The following ATP9A variants were observed in gnomAD, a reference collection of about 807,000 sequenced individuals.
ATP9A encodes ATPase phospholipid transporting 9A.
In ATP9A, 52 loss-of-function variants were observed where a neutral mutation model predicts 144.1. The observed-to-expected ratio is 0.36, with a 90% CI of 0.29 to 0.45. The LOEUF is 0.45. Among genes scored for constraint, ATP9A ranks in the 20% least tolerant of loss-of-function variants. ATP9A has a pLI of 1.00. For synonymous variants in ATP9A, 582 were observed against 557.4 expected, an observed-to-expected ratio of 1.04 and a Z score of -0.62; for missense variants, 947 against 1,392.7, an observed-to-expected ratio of 0.68 and a Z score of 5.09.
At chr20:51,683,828 C>CT (rs2077510784) in intron 9 of ATP9A, among the ~76,000 whole-genome samples, 1 of 152,142 alleles carries the variant, frequency 6.6e-6, no homozygotes, top group East Asian at 1.9e-4. Flanking sequence ...ATTCCCTTGC[C>CT]TGTTAGTTCT....
chr20:51,766,326 A>T (rs2077903552), intron 1 of ATP9A, among the ~76,000 whole-genome samples: 1 of 152,188 alleles, frequency 6.6e-6, no homozygotes, highest in African/African-American at 2.4e-5. Flanking sequence ...GGGTCAGGAC[A>T]CCCACACCTG....
At chr20:51,710,118 A>G (rs1359445531) in intron 4 of ATP9A, among the ~76,000 whole-genome samples, 1 of 152,184 alleles carries the variant, frequency 6.6e-6, no homozygotes, top group Non-Finnish European at 1.5e-5. Flanking sequence ...CCTGGCCAAC[A>G]TGGTGAAACC....
intron 11 of ATP9A, among the ~76,000 whole-genome samples, chr20:51,673,104 T>C (rs941153481): frequency 6.6e-6 from 1 of 152,154 alleles, no homozygotes; most frequent in Non-Finnish European, 1.5e-5. Flanking sequence ...CCAGGTGCAG[T>C]AGCTCACGCC....
chr20:51,617,755 C>T (rs774915315), intron 21 of ATP9A, among the ~76,000 whole-genome samples: 42 of 152,160 alleles, frequency 2.8e-4, no homozygotes, highest in Middle Eastern at 3.2e-3. Flanking sequence ...AGAGCCCAGG[C>T]GGCTTGCCAA....
At chr20:51,754,622 T>C (rs1380958406) in intron 1 of ATP9A, among the ~76,000 whole-genome samples, 2 of 151,230 alleles carry the variant, frequency 1.3e-5, no homozygotes, top group Non-Finnish European at 2.9e-5. Context: ...GAGACCAGCC[T>C]GGCCAACATG....
At chr20:51,698,993 A>G (rs2077582035) in intron 4 of ATP9A, among the ~76,000 whole-genome samples, 2 of 152,336 alleles carry the variant, frequency 1.3e-5, no homozygotes, top group East Asian at 1.9e-4. Context: ...TGATGCTGCT[A>G]TCTTGTAACA....
At chr20:51,655,078 T>G (rs1399157231) in intron 14 of ATP9A, among the ~76,000 whole-genome samples, 3 of 152,200 alleles carry the variant, frequency 2.0e-5, no homozygotes, top group African/African-American at 7.2e-5. Flanking sequence ...ATATCATTGC[T>G]AAAAATTAGG....
intron 15 of ATP9A, among the ~76,000 whole-genome samples, chr20:51,638,076 TATATATATATATATATATATATA>T (rs2077301524): frequency 7.3e-5 from 1 of 13,738 alleles, no homozygotes; most frequent in African/African-American, 2.8e-4. Context: ...TCATTTTATA[TATATATATATATATATATATATA>T]TATATATATA....
chr20:51,653,093 G>C (rs1487202433), intron 14 of ATP9A, among the ~76,000 whole-genome samples: 2 of 140,614 alleles, frequency 1.4e-5, no homozygotes, highest in African/African-American at 5.3e-5. Context: ...CTGGGTGACA[G>C]AGCAAGACTC....
At chr20:51,739,346 ACT>A (rs2122886576) in intron 1 of ATP9A, among the ~76,000 whole-genome samples, 1 of 119,534 alleles carries the variant, frequency 8.4e-6, no homozygotes, top group African/African-American at 3.2e-5. Flanking sequence ...TCCTACACTC[ACT>A]CTTTTTTTTT....
chr20:51,693,907 C>T, intron 7 of ATP9A, 101 bp downstream of exon 7: 1 of 1,055,904 alleles, frequency 9.5e-7, no homozygotes, highest in Non-Finnish European at 1.4e-6. Context: ...ACTGGCCCCA[C>T]TTCACAAGTT....
Position 51,625,451 on chromosome 20 carries a change from G to A in ATP9A, c.1846-89C>T, listed in dbSNP as rs921628351. Reference sequence around the variant, plus strand: ...TGCCAAGAGTGGAAGGGCCACACCCGATCCCCACCACACGGGGTGGGGGAC... The same window carrying A: ...TGCCAAGAGTGGAAGGGCCACACCCAATCCCCACCACACGGGGTGGGGGAC... On this transcript the variant is annotated intron_variant, in intron 17 of 27. Transcript: ENST00000338821. 21 of 1,440,686 alleles carry A rather than the reference G, an allele frequency of 1.5e-5. 1 individual carries two copies. The highest frequency in any genetic ancestry group is 5.5e-5 in the South Asian group (4 of 72,918). The allele number at this position is 1,440,686 out of a possible 1,614,324, so 89.2% of individuals were successfully genotyped here. A position where few individuals can be genotyped will look rare whatever the true frequency, so the allele number is the denominator to read the frequency against.
chr20:51,660,163 A>C (rs2077405208), intron 13 of ATP9A, among the ~76,000 whole-genome samples: 1 of 152,194 alleles, frequency 6.6e-6, no homozygotes, highest in African/African-American at 2.4e-5. Context: ...CCTGGACCAA[A>C]TCGTTATTTA....
At chr20:51,616,285 C>A (rs1271431475) in intron 22 of ATP9A, among the ~76,000 whole-genome samples, 2 of 152,178 alleles carry the variant, frequency 1.3e-5, no homozygotes, top group Non-Finnish European at 2.9e-5. Flanking sequence ...CTGCTGCCCC[C>A]TCCGGGCCTT....
At chr20:51,720,668 T>C (rs2077684867) in intron 3 of ATP9A, among the ~76,000 whole-genome samples, 1 of 152,168 alleles carries the variant, frequency 6.6e-6, no homozygotes, top group Non-Finnish European at 1.5e-5. Context: ...ACCTCGTCTC[T>C]ACTAAAAATA....
intron 3 of ATP9A, among the ~76,000 whole-genome samples, chr20:51,715,620 G>A (rs776200521): frequency 6.6e-6 from 1 of 152,110 alleles, no homozygotes; most frequent in East Asian, 1.9e-4. Flanking sequence ...AAATTATCAC[G>A]TCTCCCTTCA....
intron 1 of ATP9A, among the ~76,000 whole-genome samples, chr20:51,751,261 G>GTTTTT (rs201983884): frequency 2.6e-5 from 3 of 115,498 alleles, no homozygotes; most frequent in African/African-American, 3.3e-5. Context: ...GGTTTTTTTT[G>GTTTTT]TTTTTTTTTT....
chr20:51,681,242 A>G (rs188768375), intron 9 of ATP9A, among the ~76,000 whole-genome samples: 255 of 152,312 alleles, frequency 1.7e-3, no homozygotes, highest in African/African-American at 5.9e-3. Flanking sequence ...AAAGTAAGTG[A>G]TAAGTGAAGA....
At position 51,625,369 on chromosome 20, in the gene ATP9A, C is replaced by A; in HGVS notation, c.1846-7G>T. The A allele has an allele frequency of 2.5e-6, 4 of 1,611,050 alleles. No individual in the cohort carries two copies. The highest frequency in any genetic ancestry group is 1.7e-4 in the Middle Eastern group (1 of 6,014). On this transcript the variant is annotated splice_polypyrimidine_tract_variant and splice_region_variant and intron_variant, in intron 17 of 27. Coordinates refer to ENST00000338821, the MANE Select transcript of ATP9A (RefSeq NM_006045.3). Reference sequence around the variant, plus strand: ...TGGCCTGGACGTAGCGGGCCTGGGACACACCAGCAGATGCAGTCACTGCTT... The same window carrying A: ...TGGCCTGGACGTAGCGGGCCTGGGAAACACCAGCAGATGCAGTCACTGCTT...
Sources: allele counts gnomAD v4.1 joint callset (sites outside exome capture counted in the v4.1 genomes callset), GRCh38; gene constraint gnomAD v4.1.1; transcripts MANE v1.5; gene names NCBI Gene and HGNC (gene_info 2026-07-23, HGNC 2026-07-21).